Variants in CFTR observed in about 807,000 individuals in gnomAD.
CFTR encodes the protein cystic fibrosis transmembrane conductance regulator.
In CFTR, 181 loss-of-function variants were observed where a neutral mutation model predicts 171.6. That is an observed-to-expected ratio of 1.05 (90% confidence interval 0.93 to 1.19). The LOEUF is 1.19. Among genes scored for constraint, CFTR ranks in the 50% most tolerant of loss-of-function variants. The probability of loss-of-function intolerance (pLI) is 0.00; values close to 1 mark genes in which losing one functional copy is unlikely to be tolerated. For missense variants in CFTR, 1,968 were observed against 1,734.7 expected (o/e 1.13, Z -2.39); for synonymous variants, 583 against 608.0 (o/e 0.96, Z 0.60).
chr7:117,557,920 A>G (rs1298138897), intron 10 of CFTR, among the ~76,000 whole-genome samples: 1 of 152,286 alleles, frequency 6.6e-6, no homozygotes, highest in African/African-American at 2.4e-5. Flanking sequence ...TATACTTTGG[A>G]ATTTGTTAAA....
chr7:117,611,822 A>G lies in CFTR; in HGVS notation c.3367+14A>G. On this transcript the variant is annotated intron_variant, in intron 20 of 26. Coordinates refer to ENST00000003084, the MANE Select transcript of CFTR (RefSeq NM_000492.4). ...TTTTAACAACAGGTACTATGAACTC[A>G]TTAACTTTAGCTAAGCATTTAAGTA... is the stretch of plus-strand genomic sequence containing the variant. 1.3e-6 allele frequency: 2 copies of G among 1,576,006 alleles called. No homozygotes were observed. The highest frequency in any genetic ancestry group is 1.7e-6 in the Non-Finnish European group (2 of 1,146,782).
intron 1 of CFTR, among the ~76,000 whole-genome samples, chr7:117,486,943 A>G (rs1798084770): frequency 1.3e-5 from 2 of 151,490 alleles, no homozygotes; most frequent in Admixed American, 1.3e-4. Flanking sequence ...AGGAGGTAAA[A>G]TCAACTGGTT....
chr7:117,584,885 C>G (rs1791905651), intron 11 of CFTR, among the ~76,000 whole-genome samples: 1 of 151,276 alleles, frequency 6.6e-6, no homozygotes, highest in Admixed American at 6.6e-5. Flanking sequence ...GATCTTTAAC[C>G]TCCTTGGTTA....
chr7:117,597,608 A>G (rs752431040), intron 15 of CFTR, among the ~76,000 whole-genome samples: 1 of 152,246 alleles, frequency 6.6e-6, no homozygotes, highest in Non-Finnish European at 1.5e-5. Context: ...TAGATATTTT[A>G]TTATTAAATA....
At chr7:117,540,958 C>T (rs34638253) in intron 8 of CFTR, among the ~76,000 whole-genome samples, 17,778 of 152,100 alleles carry the variant, frequency 0.12, 1,129 homozygotes, top group Middle Eastern at 0.13. Context: ...CACACATAAA[C>T]ACACACACTC....
chr7:117,641,905 A>T lies in CFTR; in HGVS notation c.3718-533A>T, dbSNP rs149031499. On this transcript the variant is annotated intron_variant, in intron 22 of 26. Coordinates refer to ENST00000003084, the MANE Select transcript of CFTR (RefSeq NM_000492.4). ...TGAGGAGTGGTAAGGCCTTCGCCCA[A>T]CCTGCCTTCTCTGGGAATATACTGC... Among the ~76,000 whole-genome samples, 142 of 152,342 alleles carry T rather than the reference A, an allele frequency of 9.3e-4. 1 individual carries two copies. Among genetic ancestry groups the T allele is most frequent in the African/African-American group, 3.3e-3 (137 of 41,592 alleles).
intron 24 of CFTR, among the ~76,000 whole-genome samples, chr7:117,657,367 T>A (rs1793199354): frequency 6.6e-6 from 1 of 152,220 alleles, no homozygotes; most frequent in Admixed American, 6.5e-5. Flanking sequence ...TTAGTCTAAC[T>A]TTAATGTCAT....
rs183887533 is a variant in CFTR at position 117,539,699 on chromosome 7, T to C, written c.870-401T>C. 4.2e-3 allele frequency among the ~76,000 whole-genome samples: 637 copies of C among 152,168 alleles called. 6 individuals are homozygous for C. The highest frequency in any genetic ancestry group is 0.013 in the African/African-American group (530 of 41,540). ...GCAATGTTGTTCTCATTTCCATACT[T>C]AATTACTTAAAACACCAACCAACCA... is the stretch of plus-strand genomic sequence containing the variant. On this transcript the variant is annotated intron_variant, in intron 7 of 26. Coordinates refer to ENST00000003084, the MANE Select transcript of CFTR (RefSeq NM_000492.4).
intron 3 of CFTR, among the ~76,000 whole-genome samples, chr7:117,510,593 G>A (rs999520892): frequency 6.6e-6 from 1 of 152,124 alleles, no homozygotes; most frequent in African/African-American, 2.4e-5. Context: ...AGTAGAAGCT[G>A]GAAGAGGGGT....
At chr7:117,642,287 G>T in intron 22 of CFTR, 151 bp from the exon 23 acceptor site, 1 of 778,138 alleles carries the variant, frequency 1.3e-6, no homozygotes, top group Non-Finnish European at 2.2e-6. Flanking sequence ...GATTGAAAGT[G>T]TGCAACAAGG....
intron 11 of CFTR, among the ~76,000 whole-genome samples, chr7:117,567,968 G>T (rs1490324067): frequency 6.6e-6 from 1 of 152,194 alleles, no homozygotes; most frequent in Non-Finnish European, 1.5e-5. Flanking sequence ...AGAGAGGATG[G>T]ATAAACAGGA....
chr7:117,503,816 T>A (rs377505709), intron 1 of CFTR, among the ~76,000 whole-genome samples: 1 of 152,242 alleles, frequency 6.6e-6, no homozygotes. Flanking sequence ...AACAAAATTA[T>A]ATAAGGCTGT....
intron 23 of CFTR, among the ~76,000 whole-genome samples, chr7:117,646,470 G>A (rs214167): frequency 0.47 from 70,899 of 151,950 alleles, 19,687 homozygotes; most frequent in African/African-American, 0.79. Context: ...GATTATGGAT[G>A]AGTACTAAGA....
intron 20 of CFTR, among the ~76,000 whole-genome samples, chr7:117,612,027 A>ATATATATATATATATATATATATACG (rs1792404617): frequency 1.5e-5 from 1 of 66,026 alleles, no homozygotes; most frequent in African/African-American, 7.9e-5. Context: ...ATATATGTAT[A>ATATATATATATATATATATATATACG]TATATATATA....
chr7:117,607,146 G>T (rs758649010), intron 18 of CFTR, among the ~76,000 whole-genome samples: 20 of 152,144 alleles, frequency 1.3e-4, no homozygotes, highest in South Asian at 2.1e-4. Context: ...CCCTGGGTGG[G>T]TTACACTTGA....
chr7:117,603,407 G>C, intron 16 of CFTR, 125 bp from the exon 17 acceptor site: 1 of 952,096 alleles, frequency 1.1e-6, no homozygotes, highest in Non-Finnish European at 1.6e-6. Flanking sequence ...TGAGGTTAAG[G>C]GTGCATGCTC....
At chr7:117,573,682 A>G (rs1447763674) in intron 11 of CFTR, among the ~76,000 whole-genome samples, 2 of 152,182 alleles carry the variant, frequency 1.3e-5, no homozygotes, top group Non-Finnish European at 2.9e-5. Flanking sequence ...AACCATGCTG[A>G]GAAAATTATT....
chr7:117,555,608 C>CT (rs1799339659), intron 10 of CFTR, among the ~76,000 whole-genome samples: 1 of 152,170 alleles, frequency 6.6e-6, no homozygotes, highest in Non-Finnish European at 1.5e-5. Context: ...CAAAGTGCCA[C>CT]TAGTGATGCA....
At chr7:117,569,458 A>T (rs559082929) in intron 11 of CFTR, among the ~76,000 whole-genome samples, 1 of 152,360 alleles carries the variant, frequency 6.6e-6, no homozygotes, top group African/African-American at 2.4e-5. Flanking sequence ...TGATAACCCG[A>T]TAATCAAAAA....
Sources: gnomAD v4.1 joint callset for allele counts (sites outside exome capture counted in the v4.1 genomes callset) on GRCh38, gnomAD v4.1.1 for gene constraint, MANE v1.5 for transcripts, NCBI Gene and HGNC (gene_info 2026-07-23, HGNC 2026-07-21) for gene names.